Variants in MTAP observed in about 807,000 individuals in gnomAD.
The protein encoded by MTAP is S-methyl-5'-thioadenosine phosphorylase.
A neutral mutation model predicts 33.6 loss-of-function variants in MTAP; 33 were observed. That is an observed-to-expected ratio of 0.98 (90% CI 0.74 to 1.31). The LOEUF is 1.31. Ranked by LOEUF, MTAP falls within the 40% of genes most tolerant of loss-of-function variation. The pLI is 0.00. For missense variants in MTAP, 367 were observed against 360.0 expected (o/e 1.02, Z -0.16); for synonymous variants, 148 against 125.7 (o/e 1.18, Z -1.19).
At chr9:21,829,311 C>T (rs931978033) in intron 4 of MTAP, among the ~76,000 whole-genome samples, 2 of 152,136 alleles carry the variant, frequency 1.3e-5, no homozygotes, top group Non-Finnish European at 2.9e-5. Flanking sequence ...GAGGTTTCAT[C>T]TTGACTCTGT....
intron 5 of MTAP, among the ~76,000 whole-genome samples, chr9:21,845,242 T>C (rs910631717): frequency 6.6e-6 from 1 of 152,140 alleles, no homozygotes; most frequent in Non-Finnish European, 1.5e-5. Flanking sequence ...AGTCAAACTG[T>C]TGCTGTTCAC....
intron 1 of MTAP, among the ~76,000 whole-genome samples, chr9:21,811,260 G>A (rs1824338596): frequency 1.3e-5 from 2 of 152,144 alleles, no homozygotes; most frequent in South Asian, 2.1e-4. Context: ...ATGGTTTCTG[G>A]GACAAAGAAG....
intron 1 of MTAP, among the ~76,000 whole-genome samples, chr9:21,875,123 G>C (rs762002487): frequency 1.3e-5 from 2 of 152,132 alleles, no homozygotes; most frequent in Non-Finnish European, 2.9e-5. Context: ...CTTGTGAATA[G>C]TGCCGCAATA....
At chr9:21,803,191 C>T (rs1824109421) in intron 1 of MTAP, 1 of 368,374 alleles carries the variant, frequency 2.7e-6, no homozygotes, top group Admixed American at 4.7e-5. Context: ...CAGGAGGTGT[C>T]CGGGCGCCTG....
At chr9:21,897,082 A>C (rs1818308099) in intron 1 of MTAP, among the ~76,000 whole-genome samples, 1 of 152,236 alleles carries the variant, frequency 6.6e-6, no homozygotes, top group Non-Finnish European at 1.5e-5. Flanking sequence ...CAACATATGC[A>C]AATCAATAAA....
intron 4 of MTAP, among the ~76,000 whole-genome samples, chr9:21,820,270 T>A (rs1824598669): frequency 9.9e-5 from 15 of 152,168 alleles, no homozygotes; most frequent in Admixed American, 9.8e-4. Flanking sequence ...GTTTTTATGG[T>A]TTTAGGTCTA....
chr9:21,893,395 A>G (rs1209731229), intron 1 of MTAP: 1 of 152,242 alleles, frequency 6.6e-6, no homozygotes, highest in Non-Finnish European at 1.5e-5. Flanking sequence ...AGAAATAACC[A>G]AAATCAGAAC....
In MTAP at chr9:21,865,844, T is replaced by G. The variant is rs1825845201; in HGVS notation, c.*3830T>G. 1 of 941,642 alleles carries G rather than the reference T, an allele frequency of 1.1e-6. No homozygotes were observed. The highest frequency in any genetic ancestry group is 1.8e-5 in the African/African-American group (1 of 56,238). 58.3% of individuals were successfully genotyped at this position (941,642 alleles called of 1,614,324 possible). ...TTGCATGCATCTGTAGCTTGTGCCT[T>G]TTTTATTGCCTAGTAGTATTCTGTC... On this transcript the variant is annotated 3_prime_UTR_variant, in exon 8 of 8. Transcript: ENST00000644715.
At chr9:21,831,630 A>G (rs7042728) in intron 4 of MTAP, among the ~76,000 whole-genome samples, 36,085 of 152,066 alleles carry the variant, frequency 0.24, 6,189 homozygotes, top group African/African-American at 0.49. Flanking sequence ...ACCCAGCTAC[A>G]TATTTTTTAG....
chr9:21,821,913 G>T (rs1417149372), intron 4 of MTAP, among the ~76,000 whole-genome samples: 1 of 152,202 alleles, frequency 6.6e-6, no homozygotes, highest in African/African-American at 2.4e-5. Context: ...TAGTTTATTT[G>T]CATAGAAGTG....
At chr9:21,844,987 C>T (rs570742559) in intron 5 of MTAP, among the ~76,000 whole-genome samples, 8 of 150,820 alleles carry the variant, frequency 5.3e-5, no homozygotes, top group South Asian at 4.2e-4. Context: ...GCTGAGATCA[C>T]GCCACTGCAC....
intron 5 of MTAP, among the ~76,000 whole-genome samples, chr9:21,838,269 T>C (rs1825158621): frequency 1.3e-5 from 2 of 152,238 alleles, no homozygotes; most frequent in African/African-American, 2.4e-5. Flanking sequence ...CTAGATAAAA[T>C]GATTTAACAT....
chr9:21,855,762 CCA>C, intron 6 of MTAP, among the ~76,000 whole-genome samples: 1 of 152,240 alleles, frequency 6.6e-6, no homozygotes, highest in South Asian at 2.1e-4. Flanking sequence ...ATAATGAATT[CCA>C]GGTACCCATC....
chr9:21,868,782 C>A (rs1227099679), downstream of MTAP, among the ~76,000 whole-genome samples: 3 of 152,132 alleles, frequency 2.0e-5, no homozygotes, highest in Admixed American at 2.0e-4. Context: ...ACTGTTTTCC[C>A]TCCTGTTACC....
chr9:21,896,746 C>T (rs1346036032), intron 1 of MTAP, among the ~76,000 whole-genome samples: 2 of 152,104 alleles, frequency 1.3e-5, no homozygotes, highest in Non-Finnish European at 2.9e-5. Context: ...AATTAACACC[C>T]TACCAACCAA....
At chr9:21,888,798 G>A (rs1242839190) in intron 1 of MTAP, among the ~76,000 whole-genome samples, 1 of 152,030 alleles carries the variant, frequency 6.6e-6, no homozygotes, top group Non-Finnish European at 1.5e-5. Flanking sequence ...GAACACCCAG[G>A]AAATTCGTCG....
chr9:21,872,246 G>C (rs1008759447), intron 1 of MTAP, among the ~76,000 whole-genome samples: 3 of 152,198 alleles, frequency 2.0e-5, no homozygotes, highest in African/African-American at 7.2e-5. Context: ...GAACCCAGAA[G>C]GCGGGAGGTT....
chr9:21,844,204 C>A (rs1179482948), intron 5 of MTAP, among the ~76,000 whole-genome samples: 1 of 152,086 alleles, frequency 6.6e-6, no homozygotes, highest in African/African-American at 2.4e-5. Flanking sequence ...CTAAACAGAC[C>A]AATAACAAGT....
chr9:21,803,816 T>C (rs1291478617), intron 1 of MTAP, among the ~76,000 whole-genome samples: 1 of 152,232 alleles, frequency 6.6e-6, no homozygotes, highest in African/African-American at 2.4e-5. Flanking sequence ...TACACTCGAC[T>C]GCAGTTTTCC....
Sources: gnomAD v4.1 joint callset for allele counts (sites outside exome capture counted in the v4.1 genomes callset) on GRCh38, gnomAD v4.1.1 for gene constraint, MANE v1.5 for transcripts, NCBI Gene and HGNC (gene_info 2026-07-23, HGNC 2026-07-21) for gene names.